The following NSUN6 variants were observed in gnomAD, a reference collection of about 807,000 sequenced individuals.
The protein encoded by NSUN6 is NOP2/Sun RNA methyltransferase 6, also known as tRNA (cytosine(72)-C(5))-methyltransferase NSUN6.
Under a neutral mutation model 58.0 loss-of-function variants are expected in NSUN6, and 64 were observed. The observed-to-expected ratio is 1.10, with a 90% CI of 0.90 to 1.36. The LOEUF is 1.36. Among genes scored for constraint, NSUN6 ranks in the 40% most tolerant of loss-of-function variants. The pLI is 0.00. For synonymous variants in NSUN6, 231 were observed against 193.9 expected (o/e 1.19, Z -1.59); for missense variants, 701 against 550.1 (o/e 1.27, Z -2.74).
At chr10:18,621,825 C>G (rs2058616668) in intron 3 of NSUN6, among the ~76,000 whole-genome samples, 1 of 152,152 alleles carries the variant, frequency 6.6e-6, no homozygotes, top group Non-Finnish European at 1.5e-5. Context: ...TTTAACTGCA[C>G]ATATTCACAA....
intron 6 of NSUN6, among the ~76,000 whole-genome samples, chr10:18,598,872 T>G (rs899788295): frequency 6.6e-6 from 1 of 152,232 alleles, no homozygotes; most frequent in Admixed American, 6.5e-5. Flanking sequence ...TAGAGACAGC[T>G]GGCTATGCTT....
At chr10:18,630,438 A>G (rs1302876003) in intron 3 of NSUN6, among the ~76,000 whole-genome samples, 4 of 152,168 alleles carry the variant, frequency 2.6e-5, no homozygotes, top group African/African-American at 9.7e-5. Context: ...GACACAAAAA[A>G]TGCTTCAAAA....
chr10:18,597,990 G>C (rs1273116055), intron 6 of NSUN6, among the ~76,000 whole-genome samples: 1 of 152,170 alleles, frequency 6.6e-6, no homozygotes, highest in Non-Finnish European at 1.5e-5. Context: ...CCCAAGCTAA[G>C]CCATAATATC....
At chr10:18,632,574 C>A (rs1382644322) in intron 3 of NSUN6, among the ~76,000 whole-genome samples, 3 of 151,820 alleles carry the variant, frequency 2.0e-5, no homozygotes, top group South Asian at 2.1e-4. Flanking sequence ...AAACAAACAA[C>A]CCCATCAAAA....
At chr10:18,570,707 T>TCCA in intron 8 of NSUN6, among the ~76,000 whole-genome samples, 1 of 97,766 alleles carries the variant, frequency 1.0e-5, no homozygotes, top group African/African-American at 3.8e-5. Flanking sequence ...CATTCCATTC[T>TCCA]CTATTCCATT....
At chr10:18,578,636 G>A (rs1223474978) in intron 8 of NSUN6, among the ~76,000 whole-genome samples, 1 of 152,004 alleles carries the variant, frequency 6.6e-6, no homozygotes, top group African/African-American at 2.4e-5. Context: ...TCTCTCTCCG[G>A]CATAAATTTG....
chr10:18,624,110 T>A (rs1359861991), intron 3 of NSUN6, among the ~76,000 whole-genome samples: 1 of 152,016 alleles, frequency 6.6e-6, no homozygotes, highest in Non-Finnish European at 1.5e-5. Context: ...CAAGTACCAC[T>A]GTATTTTCAG....
At chr10:18,583,180 G>A (rs901614256) in intron 8 of NSUN6, among the ~76,000 whole-genome samples, 1 of 152,066 alleles carries the variant, frequency 6.6e-6, no homozygotes, top group Non-Finnish European at 1.5e-5. Context: ...TTCTTCTTCT[G>A]GACAATAAGT....
Position 18,651,256 on chromosome 10 carries a change from G to GCT in NSUN6, c.-54_-53insAG, listed in dbSNP as rs1554889363. 460 of 1,359,738 alleles carry GCT rather than the reference G, an allele frequency of 3.4e-4. No individual in the cohort carries two copies. The highest frequency in any genetic ancestry group is 3.9e-4 in the Non-Finnish European group (407 of 1,030,922). 84.2% of individuals were successfully genotyped at this position (1,359,738 alleles called of 1,614,324 possible). A position where few individuals can be genotyped will look rare whatever the true frequency, so the allele number is the denominator to read the frequency against. On this transcript the variant is annotated 5_prime_UTR_variant, in exon 1 of 11. Transcript: ENST00000377304. Reference sequence around the variant, plus strand: ...GAGAAATGCTGGAAAACGGTGTTTTGTTTTTTTTTTTCTTTCCGAATTAAT... The same window carrying GCT: ...GAGAAATGCTGGAAAACGGTGTTTTGCTTTTTTTTTTTTCTTTCCGAATTAAT...
intron 3 of NSUN6, among the ~76,000 whole-genome samples, chr10:18,639,972 T>G (rs1030580313): frequency 2.0e-5 from 3 of 152,192 alleles, no homozygotes; most frequent in Non-Finnish European, 2.9e-5. Context: ...TACACAAATA[T>G]TCACTCTAAC....
At chr10:18,645,206 T>C (rs1017696430) in intron 2 of NSUN6, among the ~76,000 whole-genome samples, 1 of 151,812 alleles carries the variant, frequency 6.6e-6, no homozygotes, top group Non-Finnish European at 1.5e-5. Context: ...CAATTTTCTC[T>C]GTATATAAAT....
At chr10:18,581,186 A>T (rs2056888902) in intron 8 of NSUN6, among the ~76,000 whole-genome samples, 1 of 152,146 alleles carries the variant, frequency 6.6e-6, no homozygotes, top group Non-Finnish European at 1.5e-5. Flanking sequence ...TGAACCACCC[A>T]TCTTGAATGG....
chr10:18,648,698 G>A (rs922877741), intron 1 of NSUN6, 53 bp from the exon 2 acceptor site: 3 of 1,011,354 alleles, frequency 3.0e-6, no homozygotes, highest in African/African-American at 1.6e-5. Flanking sequence ...AGTCAGCAGA[G>A]CATCCTTATA....
chr10:18,643,774 G>T (rs572827656), intron 2 of NSUN6, among the ~76,000 whole-genome samples: 2 of 152,036 alleles, frequency 1.3e-5, no homozygotes, highest in Non-Finnish European at 2.9e-5. Context: ...AATGAACTTT[G>T]ATTTTTGTTT....
At chr10:18,551,108 C>T (rs1408455550) in intron 9 of NSUN6, among the ~76,000 whole-genome samples, 1 of 152,074 alleles carries the variant, frequency 6.6e-6, no homozygotes, top group East Asian at 1.9e-4. Flanking sequence ...GTTAACAACT[C>T]AGTGACTTTT....
At chr10:18,602,529 C>T (rs906258203) in intron 6 of NSUN6, among the ~76,000 whole-genome samples, 17 of 151,514 alleles carry the variant, frequency 1.1e-4, no homozygotes, top group South Asian at 2.1e-4. Context: ...CCACCGCACC[C>T]GGCCTAATTT....
At chr10:18,595,295 T>A (rs552831417) in intron 7 of NSUN6, among the ~76,000 whole-genome samples, 6 of 152,296 alleles carry the variant, frequency 3.9e-5, no homozygotes, top group Admixed American at 1.3e-4. Context: ...AGAAAACTGA[T>A]ACACCCATAA....
intron 3 of NSUN6, among the ~76,000 whole-genome samples, chr10:18,637,298 C>T (rs535282539): frequency 6.6e-6 from 1 of 152,158 alleles, no homozygotes. Flanking sequence ...TGTGAATTTA[C>T]AATCCTAAAT....
chr10:18,623,677 C>T (rs183728947), intron 3 of NSUN6, among the ~76,000 whole-genome samples: 1 of 152,274 alleles, frequency 6.6e-6, no homozygotes, highest in Admixed American at 6.5e-5. Flanking sequence ...CTCTAACAAA[C>T]CTGATCAACT....
Sources: gnomAD v4.1 joint callset for allele counts (sites outside exome capture counted in the v4.1 genomes callset) on GRCh38, gnomAD v4.1.1 for gene constraint, MANE v1.5 for transcripts, NCBI Gene and HGNC (gene_info 2026-07-23, HGNC 2026-07-21) for gene names.